The following GSDME variants were observed in gnomAD, a reference collection of about 807,000 sequenced individuals.
The protein encoded by GSDME is gasdermin-E.
GSDME carries 44 observed loss-of-function variants against 47.5 expected under a neutral mutation model. That is an observed-to-expected ratio of 0.93 (90% CI 0.73 to 1.19). The LOEUF (loss-of-function observed/expected upper bound fraction) is 1.19, where lower values mean the gene tolerates loss of function less well. GSDME is among the 50% of genes most tolerant of loss of function. The pLI is 0.00. For missense variants in GSDME, 663 were observed against 604.2 expected (o/e 1.10, Z -1.02); for synonymous variants, 258 against 252.8 (o/e 1.02, Z -0.20).
At chr7:24,789,650 C>T in the GSDME span, among the ~76,000 whole-genome samples, 4 of 152,186 alleles carry the variant, frequency 2.6e-5, no homozygotes, top group African/African-American at 9.7e-5. Flanking sequence ...GGGCTATCTG[C>T]CTGTGGATTT....
chr7:24,731,869 T>G (rs927161630), intron 3 of GSDME, among the ~76,000 whole-genome samples: 1 of 152,254 alleles, frequency 6.6e-6, no homozygotes, highest in Non-Finnish European at 1.5e-5. Context: ...TTTATTATGT[T>G]ATTCCTTAAA....
the GSDME span, among the ~76,000 whole-genome samples, chr7:24,763,436 G>A: frequency 6.6e-5 from 10 of 151,746 alleles, no homozygotes; most frequent in African/African-American, 2.2e-4. The surrounding 1 kb of genome is among the most constrained non-coding windows in gnomAD (Gnocchi z 4.3). Flanking sequence ...GCAATGTCAT[G>A]ACAGCCAATC....
Position 24,736,649 on chromosome 7 carries a change from A to C in GSDME, c.404+7913T>G, listed in dbSNP as rs949052103. 1.3e-4 allele frequency among the ~76,000 whole-genome samples: 20 copies of C among 152,218 alleles called. No individual in the cohort carries two copies. Among genetic ancestry groups the C allele is most frequent in the Admixed American group, 5.9e-4 (9 of 15,286 alleles). ...ATCAACATCAGACTTAATCTGCACT[A>C]CAGACCAAACAGACCCAATAGATAT... is the stretch of plus-strand genomic sequence containing the variant. On this transcript the variant is annotated intron_variant, in intron 3 of 9. Coordinates refer to ENST00000645220, the MANE Select transcript of GSDME (RefSeq NM_001127453.2). This position sits in a 1 kb window ranked among gnomAD's most constrained non-coding sequence, Gnocchi z 4.6.
rs975826709 is a variant in GSDME at position 24,747,878 on chromosome 7, G to A, written c.211+1686C>T. Reference sequence around the variant, plus strand: ...GAGATGGGGTTTGCCACGTTGCCCAGGCTAGCCTCAAACTCCTGGGCTCAA... The same window carrying A: ...GAGATGGGGTTTGCCACGTTGCCCAAGCTAGCCTCAAACTCCTGGGCTCAA... On this transcript the variant is annotated intron_variant, in intron 2 of 9. Coordinates refer to ENST00000645220, the MANE Select transcript of GSDME (RefSeq NM_001127453.2). Among the ~76,000 whole-genome samples, 15 of 151,902 alleles carry A rather than the reference G, an allele frequency of 9.9e-5. 1 individual carries two copies. Among genetic ancestry groups the A allele is most frequent in the Admixed American group, 7.9e-4 (12 of 15,240 alleles).
the GSDME span, among the ~76,000 whole-genome samples, chr7:24,763,762 G>C: frequency 6.6e-6 from 1 of 152,160 alleles, no homozygotes; most frequent in African/African-American, 2.4e-5. The surrounding 1 kb of genome is among the most constrained non-coding windows in gnomAD (Gnocchi z 4.3). Context: ...AAGACAGGCT[G>C]GAAAATGTAG....
chr7:24,707,866 G>C (rs1316485093), intron 7 of GSDME: 1 of 572,332 alleles, frequency 1.7e-6, no homozygotes, highest in Non-Finnish European at 3.1e-6. Flanking sequence ...GGACTTTTGG[G>C]CTCCAAAACT....
intron 7 of GSDME, chr7:24,707,875 CT>C (rs1789180253): frequency 1.7e-6 from 1 of 580,350 alleles, no homozygotes; most frequent in Non-Finnish European, 3.0e-6. Flanking sequence ...GGCTCCAAAA[CT>C]ATGAGAGAAT....
At position 24,733,563 on chromosome 7, in the gene GSDME, C is replaced by T. The variant is rs991724350; in HGVS notation, c.404+10999G>A. 3.9e-5 allele frequency among the ~76,000 whole-genome samples: 6 copies of T among 152,014 alleles called. No individual in the cohort carries two copies. The highest frequency in any genetic ancestry group is 2.1e-4 in the South Asian group (1 of 4,816). On this transcript the variant is annotated intron_variant, in intron 3 of 9. Coordinates refer to ENST00000645220, the MANE Select transcript of GSDME (RefSeq NM_001127453.2). This position sits in a 1 kb window ranked among gnomAD's most constrained non-coding sequence, Gnocchi z 4.3. ...GGGGACCCCACTGCCCTGAAGAGTG[C>T]GTCTCAAACCTGCCAGCATTCACCA...
At chr7:24,747,660 C>G (rs12665866) in intron 2 of GSDME, among the ~76,000 whole-genome samples, 13,331 of 150,906 alleles carry the variant, frequency 0.088, 740 homozygotes, top group Non-Finnish European at 0.12. Flanking sequence ...TGCAGCCTTA[C>G]TTATTAATCA....
Position 24,721,836 on chromosome 7 carries a change from G to A in GSDME, c.405-2618C>T, listed in dbSNP as rs115757570. Among the ~76,000 whole-genome samples the A allele has an allele frequency of 5.4e-3, 824 of 152,240 alleles. 10 individuals carry two copies. Among genetic ancestry groups the A allele is most frequent in the African/African-American group, 0.018 (755 of 41,554 alleles). ...CCCCATGTGATCTGCCCTGCCCCCT[G>A]TTGACTTTATCTTCCAGCCTTCTTA... On this transcript the variant is annotated intron_variant, in intron 3 of 9. Transcript: ENST00000645220. This position sits in a 1 kb window ranked among gnomAD's most constrained non-coding sequence, Gnocchi z 4.1.
chr7:24,785,899 T>G, the GSDME span, among the ~76,000 whole-genome samples: 1 of 152,238 alleles, frequency 6.6e-6, no homozygotes, highest in Non-Finnish European at 1.5e-5. Flanking sequence ...CGTCTCACAA[T>G]CCCTCAATAT....
At chr7:24,760,910 G>A (rs550046978), upstream of GSDME, among the ~76,000 whole-genome samples, 75 of 152,236 alleles carry the variant, frequency 4.9e-4, no homozygotes, top group African/African-American at 1.7e-3. The surrounding 1 kb of genome is among the most constrained non-coding windows in gnomAD (Gnocchi z 4.2). Context: ...TGCAAGGCAC[G>A]GATACAGATA....
chr7:24,745,633 G>C lies in GSDME; in HGVS notation c.212-879C>G, dbSNP rs1562713409. On this transcript the variant is annotated intron_variant, in intron 2 of 9. Transcript: ENST00000645220. The surrounding 1 kb of genome is among the most constrained non-coding windows in gnomAD (Gnocchi z 4.4). ...CCACCCTAAAAATAGTCTCTGTGTGGTGGCTCACATTTGTAATCCCAGCAA... is the reference window on the plus strand; with the variant it reads ...CCACCCTAAAAATAGTCTCTGTGTGCTGGCTCACATTTGTAATCCCAGCAA... Among the ~76,000 whole-genome samples the C allele has an allele frequency of 6.6e-6, 1 of 152,020 alleles. No homozygotes were observed. Among genetic ancestry groups the C allele is most frequent in the Admixed American group, 6.6e-5 (1 of 15,264 alleles).
intron 3 of GSDME, among the ~76,000 whole-genome samples, chr7:24,720,012 A>G (rs1328439947): frequency 2.0e-5 from 3 of 152,186 alleles, no homozygotes; most frequent in Admixed American, 6.5e-5. Context: ...CAAGAAGGAA[A>G]TTAGATTTGA....
At chr7:24,770,510 C>T in the GSDME span, among the ~76,000 whole-genome samples, 1 of 152,088 alleles carries the variant, frequency 6.6e-6, no homozygotes, top group East Asian at 1.9e-4. This position sits in a 1 kb window ranked among gnomAD's most constrained non-coding sequence, Gnocchi z 4.6. Flanking sequence ...ACTTGGAAAC[C>T]TGATACTTGC....
At position 24,745,581 on chromosome 7, in the gene GSDME, T is replaced by C. The variant is rs1790643686; in HGVS notation, c.212-827A>G. On this transcript the variant is annotated intron_variant, in intron 2 of 9. Transcript: ENST00000645220. This position sits in a 1 kb window ranked among gnomAD's most constrained non-coding sequence, Gnocchi z 4.4. ...CCTTCTCACATCTCCAGGTTTCTAC[T>C]ATTCTCTTTTGTAATCCAAACAAAA... Among the ~76,000 whole-genome samples, 1 of 152,324 alleles carries C rather than the reference T, an allele frequency of 6.6e-6. No individual in the cohort carries two copies. The highest frequency in any genetic ancestry group is 6.5e-5 in the Admixed American group (1 of 15,294).
chr7:24,788,351 C>T, the GSDME span, among the ~76,000 whole-genome samples: 636 of 152,024 alleles, frequency 4.2e-3, 4 homozygotes, highest in African/African-American at 0.014. This position sits in a 1 kb window ranked among gnomAD's most constrained non-coding sequence, Gnocchi z 4.6. Flanking sequence ...TTCTGGCAGA[C>T]GCCGCATGTC....
At chr7:24,760,220 A>G (rs1185750519), upstream of GSDME, among the ~76,000 whole-genome samples, 2 of 152,228 alleles carry the variant, frequency 1.3e-5, no homozygotes, top group Non-Finnish European at 2.9e-5. This position sits in a 1 kb window ranked among gnomAD's most constrained non-coding sequence, Gnocchi z 4.2. Context: ...GATTCTTGCT[A>G]AGGAAAAATA....
chr7:24,707,048 A>G (rs914856782), intron 7 of GSDME, among the ~76,000 whole-genome samples: 1 of 152,166 alleles, frequency 6.6e-6, no homozygotes, highest in Non-Finnish European at 1.5e-5. Context: ...GCTTTTTAAA[A>G]CACTGTTCTC....
Sources: gnomAD v4.1 joint callset for allele counts (sites outside exome capture counted in the v4.1 genomes callset) on GRCh38, gnomAD v4.1.1 for gene constraint, Gnocchi (gnomAD v3.1) non-coding constraint, MANE v1.5 for transcripts, NCBI Gene and HGNC (gene_info 2026-07-23, HGNC 2026-07-21) for gene names.